The following PRDM16 variants were observed in gnomAD, a reference collection of about 807,000 sequenced individuals.
PRDM16 encodes PR/SET domain 16.
A neutral mutation model predicts 110.6 loss-of-function variants in PRDM16; 23 were observed. That is an observed-to-expected ratio of 0.21 (90% confidence interval 0.15 to 0.29). PRDM16 has a LOEUF of 0.29. Among genes scored for constraint, PRDM16 ranks in the 10% least tolerant of loss-of-function variants. The probability of loss-of-function intolerance (pLI) is 1.00; values close to 1 mark genes in which losing one functional copy is unlikely to be tolerated. For missense variants in PRDM16, 1,615 were observed against 1,794.3 expected (o/e 0.90, Z 1.81); for synonymous variants, 799 against 781.8 (o/e 1.02, Z -0.37).
At chr1:3,204,434 T>C (rs1638705926) in intron 2 of PRDM16, among the ~76,000 whole-genome samples, 1 of 152,052 alleles carries the variant, frequency 6.6e-6, no homozygotes, top group Admixed American at 6.5e-5. Context: ...ATCCCTACAG[T>C]TTCTAGAGAG....
At chr1:3,388,627 C>T (rs1177339299) in intron 4 of PRDM16, among the ~76,000 whole-genome samples, 2 of 152,120 alleles carry the variant, frequency 1.3e-5, no homozygotes, top group Admixed American at 6.5e-5. Context: ...GGAGAGAGGC[C>T]GCTCTGAACT....
At chr1:3,261,811 G>A (rs774875431) in intron 3 of PRDM16, among the ~76,000 whole-genome samples, 56 of 152,126 alleles carry the variant, frequency 3.7e-4, no homozygotes, top group African/African-American at 7.5e-4. Flanking sequence ...TCCTGGCTCC[G>A]TTCAGAAACG....
chr1:3,162,201 T>C (rs1261603726), intron 1 of PRDM16, among the ~76,000 whole-genome samples: 1 of 152,184 alleles, frequency 6.6e-6, no homozygotes. Flanking sequence ...CACCCCTCTC[T>C]GTGCCCAGGA....
chr1:3,072,039 C>T (rs1280829217), intron 1 of PRDM16, among the ~76,000 whole-genome samples: 9 of 152,284 alleles, frequency 5.9e-5, no homozygotes, highest in East Asian at 1.9e-4. Context: ...GCACCCAAGC[C>T]GGGGCTGTGG....
intron 1 of PRDM16, among the ~76,000 whole-genome samples, chr1:3,127,695 C>T (rs1643238775): frequency 6.6e-6 from 1 of 152,252 alleles, no homozygotes; most frequent in Non-Finnish European, 1.5e-5. Context: ...CCCCCTGGGC[C>T]ATGTCCCCCT....
chr1:3,326,485 G>A (rs543234968), intron 3 of PRDM16, among the ~76,000 whole-genome samples: 1 of 152,298 alleles, frequency 6.6e-6, no homozygotes, highest in Admixed American at 6.5e-5. Flanking sequence ...GCTTGTGTTT[G>A]AGGATGCCAG....
chr1:3,234,827 C>T (rs1319812575), intron 2 of PRDM16, among the ~76,000 whole-genome samples: 3 of 152,242 alleles, frequency 2.0e-5, no homozygotes, highest in African/African-American at 7.2e-5. Flanking sequence ...TCGGAGGGGC[C>T]GTGATGGTGC....
intron 3 of PRDM16, among the ~76,000 whole-genome samples, chr1:3,355,189 T>C (rs1467562279): frequency 6.6e-6 from 1 of 152,072 alleles, no homozygotes; most frequent in Non-Finnish European, 1.5e-5. Flanking sequence ...AGCTCCGAGC[T>C]CCAGGCTCTG....
chr1:3,418,825 C>A, intron 12 of PRDM16, 81 bp downstream of exon 12: 11 of 1,091,890 alleles, frequency 1.0e-5, no homozygotes, highest in Non-Finnish European at 1.6e-5. Context: ...AGTAAGTATG[C>A]CATTCCCAGG....
intron 2 of PRDM16, among the ~76,000 whole-genome samples, chr1:3,195,268 G>A (rs779009198): frequency 3.9e-5 from 6 of 152,182 alleles, no homozygotes; most frequent in African/African-American, 1.2e-4. Flanking sequence ...CCCCGGCACC[G>A]TGACATCAGC....
Position 3,365,944 on chromosome 1 carries a change from G to A in PRDM16, c.439-19208G>A, listed in dbSNP as rs113856662. Among the ~76,000 whole-genome samples the A allele has an allele frequency of 5.3e-5, 8 of 151,756 alleles. No individual in the cohort carries two copies. In the South Asian group the frequency reaches 8.3e-4, roughly 16 times the overall value. On this transcript the variant is annotated intron_variant, in intron 3 of 16. Coordinates refer to ENST00000270722, the MANE Select transcript of PRDM16 (RefSeq NM_022114.4). ...CACACACGCACACATGCACACAAAC[G>A]CACACGCATGCACACATGCACACAC...
At chr1:3,318,157 G>A (rs2100442754) in intron 3 of PRDM16, among the ~76,000 whole-genome samples, 1 of 152,096 alleles carries the variant, frequency 6.6e-6, no homozygotes, top group Non-Finnish European at 1.5e-5. Context: ...TTTTTTTTGT[G>A]TGGCTTTCCT....
At chr1:3,152,257 C>T (rs1475320114) in intron 1 of PRDM16, among the ~76,000 whole-genome samples, 1 of 152,188 alleles carries the variant, frequency 6.6e-6, no homozygotes, top group African/African-American at 2.4e-5. Context: ...CCATTTGGAA[C>T]CTAGCTTTGA....
Position 3,434,075 on chromosome 1 carries a change from C to G in PRDM16, c.*264C>G. 2.3e-6 allele frequency: 1 copy of G among 437,592 alleles called. No individual in the cohort carries two copies. Among genetic ancestry groups the G allele is most frequent in the Non-Finnish European group, 4.1e-6 (1 of 244,622 alleles). The allele number at this position is 437,592 out of a possible 1,614,324, so 27.1% of individuals were successfully genotyped here. On this transcript the variant is annotated 3_prime_UTR_variant, in exon 17 of 17. Transcript: ENST00000270722. ...ATGCAGGTGGCCGTCCAAAGACAGC[C>G]AACGGAGCTGCCTCGCAGAATCAGC...
intron 3 of PRDM16, among the ~76,000 whole-genome samples, chr1:3,301,466 G>C (rs1641207684): frequency 6.6e-6 from 1 of 152,128 alleles, no homozygotes; most frequent in African/African-American, 2.4e-5. Context: ...GGGGATGTTA[G>C]ATTTGGTCAT....
At chr1:3,282,644 G>GA (rs1640733423) in intron 3 of PRDM16, among the ~76,000 whole-genome samples, 2 of 152,160 alleles carry the variant, frequency 1.3e-5, no homozygotes, top group Admixed American at 1.3e-4. Context: ...TTGGTGTCTG[G>GA]AAAAAACTCG....
intron 1 of PRDM16, among the ~76,000 whole-genome samples, chr1:3,116,497 T>C (rs1642963370): frequency 2.0e-5 from 3 of 152,038 alleles, no homozygotes; most frequent in Admixed American, 2.0e-4. Context: ...AAGCCGCAGG[T>C]CCTGGTCTGG....
chr1:3,232,890 C>A (rs61240755), intron 2 of PRDM16, among the ~76,000 whole-genome samples: 3 of 151,848 alleles, frequency 2.0e-5, no homozygotes, highest in Non-Finnish European at 4.4e-5. Flanking sequence ...GTGACCCAGG[C>A]GCTGTTACCA....
At position 3,189,544 on chromosome 1, in the gene PRDM16, C is replaced by G. The variant is rs143487826; in HGVS notation, c.387+3070C>G. Among the ~76,000 whole-genome samples the G allele has an allele frequency of 2.3e-3, 351 of 152,380 alleles. 2 individuals carry two copies. Among genetic ancestry groups the G allele is most frequent in the African/African-American group, 7.9e-3 (327 of 41,584 alleles). On this transcript the variant is annotated intron_variant, in intron 2 of 16. Coordinates refer to ENST00000270722, the MANE Select transcript of PRDM16 (RefSeq NM_022114.4). ...CCTGAATTTCATATGTATAATTGTTCACTTTCACACTGGTAATTAAGTGTT... is the reference window on the plus strand; with the variant it reads ...CCTGAATTTCATATGTATAATTGTTGACTTTCACACTGGTAATTAAGTGTT...
Sources: gnomAD v4.1 joint callset for allele counts (sites outside exome capture counted in the v4.1 genomes callset) on GRCh38, gnomAD v4.1.1 for gene constraint, MANE v1.5 for transcripts, NCBI Gene and HGNC (gene_info 2026-07-23, HGNC 2026-07-21) for gene names.